The following METTL25 variants were observed in gnomAD, a reference collection of about 807,000 sequenced individuals.
The protein encoded by METTL25 is probable methyltransferase-like protein 25.
METTL25 carries 64 observed loss-of-function variants against 71.6 expected under a neutral mutation model. The ratio of observed to expected loss-of-function variants is 0.89; its 90% CI spans 0.73 to 1.10. The LOEUF (loss-of-function observed/expected upper bound fraction) is 1.10. Among genes scored for constraint, METTL25 ranks in the 50% least tolerant of loss-of-function variants. The probability of loss-of-function intolerance (pLI) is 0.00; values close to 1 mark genes in which losing one functional copy is unlikely to be tolerated. For missense variants in METTL25, 807 were observed against 707.0 expected (o/e 1.14, Z -1.60); for synonymous variants, 287 against 250.3 (o/e 1.15, Z -1.38).
intron 9 of METTL25, among the ~76,000 whole-genome samples, chr12:82,464,771 A>G (rs528870062): frequency 7.9e-5 from 12 of 151,584 alleles, no homozygotes; most frequent in South Asian, 6.2e-4. Flanking sequence ...ATTTGTTTCT[A>G]TCCACTTCAG....
At chr12:82,477,798 T>G (rs549670480) in intron 11 of METTL25, among the ~76,000 whole-genome samples, 1 of 151,920 alleles carries the variant, frequency 6.6e-6, no homozygotes, top group South Asian at 2.1e-4. Flanking sequence ...TTTTTCACAA[T>G]CTTACTTATC....
intron 1 of METTL25, among the ~76,000 whole-genome samples, chr12:82,365,083 C>A (rs1468879505): frequency 6.6e-6 from 1 of 151,940 alleles, no homozygotes; most frequent in Non-Finnish European, 1.5e-5. Flanking sequence ...TTAAATAATT[C>A]TTGAAAGAAT....
At chr12:82,378,253 T>C (rs1884081424) in intron 1 of METTL25, among the ~76,000 whole-genome samples, 1 of 152,192 alleles carries the variant, frequency 6.6e-6, no homozygotes, top group Non-Finnish European at 1.5e-5. Context: ...AAATTTAACA[T>C]TTAGGTTGGG....
At chr12:82,408,015 A>T (rs1887237245) in intron 5 of METTL25, 1 of 949,846 alleles carries the variant, frequency 1.1e-6, no homozygotes, top group South Asian at 4.9e-5. Context: ...AGCTGAGTCG[A>T]ATTTGACACT....
chr12:82,378,236 G>A (rs571787585), intron 1 of METTL25, among the ~76,000 whole-genome samples: 1 of 151,922 alleles, frequency 6.6e-6, no homozygotes, highest in Non-Finnish European at 1.5e-5. Flanking sequence ...AATCAAATGG[G>A]GAATTTAAAT....
At chr12:82,426,983 G>T (rs1226868257) in intron 5 of METTL25, among the ~76,000 whole-genome samples, 1 of 151,876 alleles carries the variant, frequency 6.6e-6, no homozygotes, top group African/African-American at 2.4e-5. Context: ...TACCACCAGA[G>T]CCTGAGGACT....
intron 1 of METTL25, among the ~76,000 whole-genome samples, chr12:82,362,472 C>A (rs1882058393): frequency 6.6e-6 from 1 of 152,182 alleles, no homozygotes; most frequent in Non-Finnish European, 1.5e-5. Context: ...GGATATCTTT[C>A]ACGTGAAGTG....
intron 9 of METTL25, among the ~76,000 whole-genome samples, chr12:82,458,812 A>G (rs1891666310): frequency 6.6e-6 from 1 of 152,160 alleles, no homozygotes; most frequent in Admixed American, 6.5e-5. Context: ...GAAAATACCT[A>G]GGTCCAGCCA....
intron 8 of METTL25, among the ~76,000 whole-genome samples, chr12:82,446,484 T>A (rs760376491): frequency 8.0e-6 from 1 of 124,296 alleles, no homozygotes; most frequent in Admixed American, 8.7e-5. Flanking sequence ...CTGACTACAA[T>A]GGAATAAACC....
intron 5 of METTL25, among the ~76,000 whole-genome samples, chr12:82,406,931 G>GT (rs912504441): frequency 1.4e-3 from 207 of 146,490 alleles, no homozygotes; most frequent in African/African-American, 3.1e-3. Context: ...TTAAAATCAA[G>GT]TTTTTTTTTT....
intron 6 of METTL25, among the ~76,000 whole-genome samples, chr12:82,431,781 C>T (rs2033395674): frequency 6.6e-6 from 1 of 151,542 alleles, no homozygotes; most frequent in African/African-American, 2.4e-5. Flanking sequence ...CTTAATATAC[C>T]TAACTTACCA....
chr12:82,438,840 A>C, intron 8 of METTL25, 49 bp downstream of exon 8: 2 of 1,442,114 alleles, frequency 1.4e-6, no homozygotes, highest in Non-Finnish European at 1.9e-6. Context: ...ATTGTAAGTA[A>C]AGTGACTTTT....
At chr12:82,392,440 A>T (rs1266071820) in intron 3 of METTL25, among the ~76,000 whole-genome samples, 1 of 151,872 alleles carries the variant, frequency 6.6e-6, no homozygotes, top group Admixed American at 6.6e-5. Flanking sequence ...TGAACTCATC[A>T]TTTTTTATGG....
rs59778065 is a variant in METTL25, at chr12:82,391,540, A to ATG, written c.531+1634_531+1635dup. 4.6e-3 allele frequency among the ~76,000 whole-genome samples: 698 copies of ATG among 150,420 alleles called. 4 individuals carry two copies. Among genetic ancestry groups the ATG allele is most frequent in the African/African-American group, 0.01 (422 of 41,136 alleles). ...GTACAGTGTGATGTTTTGTTAGTAT[A>ATG]TGTGTGTGTGTGTGTGTATAAATGT... On this transcript the variant is annotated intron_variant, in intron 3 of 11. Transcript: ENST00000248306.
intron 9 of METTL25, among the ~76,000 whole-genome samples, chr12:82,458,597 A>T (rs1891652230): frequency 6.6e-6 from 1 of 152,136 alleles, no homozygotes. Flanking sequence ...GTTTTACCTT[A>T]ATGAGCTCAA....
At chr12:82,445,043 G>A (rs534942145) in intron 8 of METTL25, among the ~76,000 whole-genome samples, 1 of 152,132 alleles carries the variant, frequency 6.6e-6, no homozygotes, top group East Asian at 1.9e-4. Flanking sequence ...TGAGAGAAAC[G>A]ACCTAATAGT....
At chr12:82,361,104 CGATTGGTCCATTTTACAGAGAGCT>C (rs1038645698) in intron 1 of METTL25, among the ~76,000 whole-genome samples, 1 of 152,124 alleles carries the variant, frequency 6.6e-6, no homozygotes, top group African/African-American at 2.4e-5. Flanking sequence ...CACATCCTGC[CGATTGGTCCATTTTACAGAGAGCT>C]GATTGGTCCA....
At chr12:82,386,726 TC>T in intron 1 of METTL25, 76 bp from the exon 2 acceptor site, 1 of 1,181,184 alleles carries the variant, frequency 8.5e-7, no homozygotes, top group East Asian at 2.4e-5. Context: ...AATTAAGTGT[TC>T]ATTTGTTGTT....
rs1202323245 is a variant in METTL25 at position 82,451,250 on chromosome 12, C to G, written c.1479-5477C>G. ...TCATGCAGTATCCTCCTCTTTAAGA[C>G]TTAAGTGCGTATTTATATTTTAAAG... is the stretch of plus-strand genomic sequence containing the variant. On this transcript the variant is annotated intron_variant, in intron 8 of 11. Coordinates refer to ENST00000248306, the MANE Select transcript of METTL25 (RefSeq NM_032230.3). 3 of 962,632 alleles carry G rather than the reference C, an allele frequency of 3.1e-6. No individual in the cohort carries two copies. In the African/African-American group the frequency reaches 5.3e-5, roughly 17 times the overall value. 59.6% of individuals were successfully genotyped at this position (962,632 alleles called of 1,614,324 possible). A position where few individuals can be genotyped will look rare whatever the true frequency, so the allele number is the denominator to read the frequency against.
Sources: gnomAD v4.1 joint callset for allele counts (sites outside exome capture counted in the v4.1 genomes callset) on GRCh38, gnomAD v4.1.1 for gene constraint, MANE v1.5 for transcripts, NCBI Gene and HGNC (gene_info 2026-07-23, HGNC 2026-07-21) for gene names.